Variants in PCDHGA3 observed in about 807,000 individuals in gnomAD.
PCDHGA3 encodes protocadherin gamma subfamily A, 3, also known as protocadherin gamma-A3.
Under a neutral mutation model 58.5 loss-of-function variants are expected in PCDHGA3, and 40 were observed. The observed-to-expected ratio is 0.68, with a 90% CI of 0.53 to 0.89. The LOEUF (loss-of-function observed/expected upper bound fraction) is 0.89. PCDHGA3 is among the 40% of genes least tolerant of loss of function. The probability of loss-of-function intolerance (pLI) is 0.00; values close to 1 mark genes in which losing one functional copy is unlikely to be tolerated. For missense variants in PCDHGA3, 1,223 were observed against 1,195.9 expected, an observed-to-expected ratio of 1.02 and a Z score of -0.33; for synonymous variants, 530 against 525.7, an observed-to-expected ratio of 1.01 and a Z score of -0.11.
chr5:141,422,140 C>T (rs1275997338), intron 1 of PCDHGA3: 15 of 1,586,774 alleles, frequency 9.5e-6, no homozygotes, highest in Non-Finnish European at 1.3e-5. Flanking sequence ...AGTTCAAGTA[C>T]GGGGGTCTCT....
chr5:141,392,804 CA>C (rs1345839746), intron 1 of PCDHGA3: 1 of 1,573,894 alleles, frequency 6.4e-7, no homozygotes, highest in African/African-American at 1.4e-5. Flanking sequence ...GATTCTGCAG[CA>C]AAACAACAAT....
At chr5:141,406,836 TC>T (rs2094857566) in intron 1 of PCDHGA3, among the ~76,000 whole-genome samples, 1 of 152,232 alleles carries the variant, frequency 6.6e-6, no homozygotes, top group Non-Finnish European at 1.5e-5. Context: ...AACTTGCATA[TC>T]AGATATAATT....
intron 1 of PCDHGA3, chr5:141,384,514 G>A: frequency 1.2e-6 from 2 of 1,614,194 alleles, no homozygotes; most frequent in Non-Finnish European, 1.7e-6. Flanking sequence ...TGACAGCGGG[G>A]ACCCGCCTCT....
chr5:141,375,570 T>C, intron 1 of PCDHGA3: 2 of 1,614,014 alleles, frequency 1.2e-6, no homozygotes, highest in Non-Finnish European at 1.7e-6. Context: ...GAAGACACCC[T>C]CCAGGGGGCG....
intron 1 of PCDHGA3, chr5:141,354,950 C>A: frequency 2.3e-6 from 1 of 428,008 alleles, no homozygotes; most frequent in East Asian, 3.5e-5. Flanking sequence ...GAATAAATTG[C>A]AGTAACAGGT....
chr5:141,394,537 T>C, intron 1 of PCDHGA3: 1 of 1,614,146 alleles, frequency 6.2e-7, no homozygotes, highest in Non-Finnish European at 8.5e-7. Flanking sequence ...TCCACTGGCG[T>C]GGAGCTGGCG....
In PCDHGA3 at chr5:141,405,345, A is replaced by G. The variant is rs758657243; in HGVS notation, c.2424+58888A>G. 3 of 1,613,944 alleles carry G rather than the reference A, an allele frequency of 1.9e-6. No homozygotes were observed. In the South Asian group the frequency reaches 3.3e-5, roughly 18 times the overall value. On this transcript the variant is annotated intron_variant, in intron 1 of 3. Coordinates refer to ENST00000253812, the MANE Select transcript of PCDHGA3 (RefSeq NM_018916.4). ...CCTTTGTGCGTCTCTGTTGATTCCA[A>G]GTTTCCTATAGAAGACACCCCTTTG...
intron 1 of PCDHGA3, chr5:141,392,964 G>C (rs772870041): frequency 1.4e-5 from 23 of 1,613,902 alleles, no homozygotes; most frequent in Non-Finnish European, 1.9e-5. Flanking sequence ...TATCTCCAAG[G>C]ACCTGGGGCT....
chr5:141,389,194 C>A (rs760691972), intron 1 of PCDHGA3: 15 of 1,613,922 alleles, frequency 9.3e-6, no homozygotes, highest in Non-Finnish European at 1.0e-5. Context: ...TCCAGCATCA[C>A]CCTGCACATT....
At chr5:141,460,483 C>G (rs2098990314) in intron 1 of PCDHGA3, among the ~76,000 whole-genome samples, 1 of 152,046 alleles carries the variant, frequency 6.6e-6, no homozygotes, top group African/African-American at 2.4e-5. Flanking sequence ...ATCCAATTGT[C>G]TCTTTGGAAA....
Position 141,344,016 on chromosome 5 carries a change from C to G in PCDHGA3, c.-18C>G. ...AAACTGGAACCGAATTCAGAGAAAG[C>G]GATTCACCGAAAAGGAAATGACCAA... On this transcript the variant is annotated 5_prime_UTR_variant, in exon 1 of 4. Coordinates refer to ENST00000253812, the MANE Select transcript of PCDHGA3 (RefSeq NM_018916.4). The G allele has an allele frequency of 6.6e-7, 1 of 1,513,186 alleles. No homozygotes were observed. The highest frequency in any genetic ancestry group is 8.8e-7 in the Non-Finnish European group (1 of 1,131,724). The allele number at this position is 1,513,186 out of a possible 1,614,324, so 93.7% of individuals were successfully genotyped here.
At chr5:141,346,666 C>T in intron 1 of PCDHGA3, 2 of 716,478 alleles carry the variant, frequency 2.8e-6, no homozygotes, top group Middle Eastern at 3.9e-4. Flanking sequence ...AAAAATAATA[C>T]ATCGTGAGTG....
chr5:141,417,995 G>A (rs779307855), intron 1 of PCDHGA3: 74 of 1,613,786 alleles, frequency 4.6e-5, no homozygotes, highest in Admixed American at 1.7e-4. Flanking sequence ...CAAGGGCTCG[G>A]TGGTGGGGAA....
chr5:141,352,631 G>A (rs762118992), intron 1 of PCDHGA3: 3 of 1,611,150 alleles, frequency 1.9e-6, no homozygotes, highest in East Asian at 2.2e-5. Context: ...CAGTAATGAA[G>A]ATCACAAAAT....
chr5:141,361,632 G>A, intron 1 of PCDHGA3: 2 of 1,613,910 alleles, frequency 1.2e-6, no homozygotes, highest in Non-Finnish European at 1.7e-6. Context: ...TGAAGCCGCG[G>A]GAGATTTTAT....
chr5:141,455,627 A>G (rs1426625737), intron 1 of PCDHGA3, among the ~76,000 whole-genome samples: 2 of 152,104 alleles, frequency 1.3e-5, no homozygotes, highest in East Asian at 3.9e-4. Context: ...ACACGTGGAG[A>G]TATGTGGGGG....
At position 141,423,722 on chromosome 5, in the gene PCDHGA3, G is replaced by A. The variant is rs541297269; in HGVS notation, c.2425-71085G>A. Reference sequence around the variant, plus strand: ...CTTGGCACAAGTCTTTTAAGGAGATGTTTTTTGAGCCTGTTATGAAAACTG... The same window carrying A: ...CTTGGCACAAGTCTTTTAAGGAGATATTTTTTGAGCCTGTTATGAAAACTG... On this transcript the variant is annotated intron_variant, in intron 1 of 3. Coordinates refer to ENST00000253812, the MANE Select transcript of PCDHGA3 (RefSeq NM_018916.4). 5 of 954,184 alleles carry A rather than the reference G, an allele frequency of 5.2e-6. No individual in the cohort carries two copies. In the African/African-American group the frequency reaches 6.3e-5, roughly 12 times the overall value. The allele number at this position is 954,184 out of a possible 1,614,324, so 59.1% of individuals were successfully genotyped here.
At chr5:141,382,271 A>T (rs1445188092) in intron 1 of PCDHGA3, among the ~76,000 whole-genome samples, 1 of 152,214 alleles carries the variant, frequency 6.6e-6, no homozygotes, top group East Asian at 1.9e-4. Context: ...TCTAGAACAT[A>T]TGTGTTCAAT....
chr5:141,378,005 T>G (rs1425146532), intron 1 of PCDHGA3: 7 of 152,232 alleles, frequency 4.6e-5, no homozygotes, highest in Admixed American at 4.6e-4. Flanking sequence ...TTGGCTCAAA[T>G]AAGCTCTACT....
Sources: gnomAD v4.1 joint callset for allele counts (sites outside exome capture counted in the v4.1 genomes callset) on GRCh38, gnomAD v4.1.1 for gene constraint, MANE v1.5 for transcripts, NCBI Gene and HGNC (gene_info 2026-07-23, HGNC 2026-07-21) for gene names.